Variants in DLG2 observed in about 807,000 individuals in gnomAD.
The protein encoded by DLG2 is discs large MAGUK scaffold protein 2, also known as disks large homolog 2.
Under a neutral mutation model 132.5 loss-of-function variants are expected in DLG2, and 45 were observed. The ratio of observed to expected loss-of-function variants is 0.34; its 90% CI spans 0.27 to 0.44. The LOEUF (loss-of-function observed/expected upper bound fraction) is 0.44. DLG2 is among the 20% of genes least tolerant of loss of function. DLG2 has a pLI of 1.00. For missense variants in DLG2, 1,045 were observed against 1,196.9 expected, an observed-to-expected ratio of 0.87 and a Z score of 1.87; for synonymous variants, 424 against 419.6, an observed-to-expected ratio of 1.01 and a Z score of -0.13.
At chr11:85,560,511 A>G (rs1170423038) in intron 3 of DLG2, among the ~76,000 whole-genome samples, 4 of 151,866 alleles carry the variant, frequency 2.6e-5, no homozygotes, top group Non-Finnish European at 4.4e-5. Context: ...GATTCAACTT[A>G]TATGAAATGT....
At chr11:85,019,803 T>G (rs1832431062) in intron 6 of DLG2, among the ~76,000 whole-genome samples, 2 of 152,182 alleles carry the variant, frequency 1.3e-5, no homozygotes, top group Non-Finnish European at 2.9e-5. Flanking sequence ...TGAACTCATC[T>G]TTTTTATAGC....
chr11:84,416,523 C>G (rs568261411), intron 7 of DLG2, among the ~76,000 whole-genome samples: 1 of 152,316 alleles, frequency 6.6e-6, no homozygotes, highest in South Asian at 2.1e-4. Flanking sequence ...TAACTGACTA[C>G]TCTGACAAAA....
At chr11:83,538,378 TG>T (rs1365362114) in intron 20 of DLG2, among the ~76,000 whole-genome samples, 1 of 152,210 alleles carries the variant, frequency 6.6e-6, no homozygotes, top group African/African-American at 2.4e-5. Flanking sequence ...CCCAAACCTT[TG>T]CAGTTGCTCA....
intron 18 of DLG2, among the ~76,000 whole-genome samples, chr11:83,687,922 A>C (rs902789313): frequency 6.6e-6 from 1 of 151,254 alleles, no homozygotes; most frequent in African/African-American, 2.4e-5. Flanking sequence ...GGATCACTTG[A>C]CCCCAGGAGA....
intron 7 of DLG2, among the ~76,000 whole-genome samples, chr11:84,454,582 T>C (rs2099060416): frequency 6.6e-6 from 1 of 151,480 alleles, no homozygotes; most frequent in Non-Finnish European, 1.5e-5. Flanking sequence ...AAAACTGGAA[T>C]AAAAAACCAA....
chr11:83,600,517 G>A (rs2058371318), intron 19 of DLG2, among the ~76,000 whole-genome samples: 1 of 152,164 alleles, frequency 6.6e-6, no homozygotes. Context: ...TACTATCGTA[G>A]CTACATACAG....
intron 17 of DLG2, among the ~76,000 whole-genome samples, chr11:83,816,987 C>A (rs2049157684): frequency 1.2e-5 from 1 of 81,736 alleles, no homozygotes; most frequent in Non-Finnish European, 2.3e-5. Context: ...ACTGCCCATG[C>A]ATTGTTGGCC....
intron 3 of DLG2, among the ~76,000 whole-genome samples, chr11:85,524,762 G>A (rs2074608348): frequency 6.6e-6 from 1 of 152,066 alleles, no homozygotes; most frequent in Non-Finnish European, 1.5e-5. Context: ...CCAAAGTGCT[G>A]GGATTAGAGG....
chr11:84,747,935 C>A (rs540131275), intron 6 of DLG2, among the ~76,000 whole-genome samples: 22 of 152,318 alleles, frequency 1.4e-4, no homozygotes, highest in Middle Eastern at 6.8e-3. Context: ...ATCTGCACTT[C>A]TAGACTAGAC....
chr11:83,991,401 A>T (rs2093701131), intron 11 of DLG2, among the ~76,000 whole-genome samples: 1 of 152,106 alleles, frequency 6.6e-6, no homozygotes, highest in Non-Finnish European at 1.5e-5. Context: ...TTTAATACCT[A>T]TTTTATTCTG....
intron 7 of DLG2, among the ~76,000 whole-genome samples, chr11:84,254,052 T>C (rs2097427300): frequency 6.6e-6 from 1 of 152,196 alleles, no homozygotes; most frequent in South Asian, 2.1e-4. Context: ...TTAGTTTTGA[T>C]GACATCTCTC....
chr11:84,548,496 T>G (rs2099395088), intron 6 of DLG2, among the ~76,000 whole-genome samples: 1 of 149,254 alleles, frequency 6.7e-6, no homozygotes, highest in East Asian at 2.1e-4. Context: ...GTGTTCTCAT[T>G]GATCAATTCC....
At chr11:85,087,280 G>C (rs1049478955) in intron 6 of DLG2, among the ~76,000 whole-genome samples, 3 of 152,192 alleles carry the variant, frequency 2.0e-5, no homozygotes, top group African/African-American at 7.2e-5. Flanking sequence ...GAGTATGAGA[G>C]AGTGAAACAG....
chr11:83,528,103 A>T (rs2095652579), intron 21 of DLG2, among the ~76,000 whole-genome samples: 1 of 152,084 alleles, frequency 6.6e-6, no homozygotes, highest in South Asian at 2.1e-4. Context: ...TCTTAGGGAG[A>T]CCTATCCAAA....
chr11:83,577,187 C>T (rs1459292382), intron 19 of DLG2, among the ~76,000 whole-genome samples: 1 of 152,012 alleles, frequency 6.6e-6, no homozygotes, highest in Non-Finnish European at 1.5e-5. Context: ...TGCCCTCGAA[C>T]ATCGGACTCC....
chr11:83,631,222 A>AG (rs1255273889), intron 19 of DLG2: 9 of 129,872 alleles, frequency 6.9e-5, no homozygotes, highest in African/African-American at 2.7e-4. Context: ...GAATAAGGCC[A>AG]GGGGGCTCTT....
intron 3 of DLG2, among the ~76,000 whole-genome samples, chr11:85,406,017 A>G (rs1263162742): frequency 6.6e-6 from 1 of 151,954 alleles, no homozygotes; most frequent in Non-Finnish European, 1.5e-5. Context: ...TTTTAAGTCA[A>G]CAGTTATCAT....
chr11:83,699,618 G>A (rs1341718708), intron 18 of DLG2, among the ~76,000 whole-genome samples: 3 of 151,206 alleles, frequency 2.0e-5, no homozygotes, highest in South Asian at 2.1e-4. Context: ...GCTGAGGCAG[G>A]AGAATGGAGT....
chr11:85,129,324 A>C (rs2075460190), intron 5 of DLG2, among the ~76,000 whole-genome samples: 1 of 152,218 alleles, frequency 6.6e-6, no homozygotes, highest in African/African-American at 2.4e-5. Context: ...ACATTCTGCA[A>C]ATCAATCTAA....
Sources: gnomAD v4.1 joint callset for allele counts (sites outside exome capture counted in the v4.1 genomes callset) on GRCh38, gnomAD v4.1.1 for gene constraint, MANE v1.5 for transcripts, NCBI Gene and HGNC (gene_info 2026-07-23, HGNC 2026-07-21) for gene names.